ZBTB8B: variants seen among roughly 807,000 people sequenced by gnomAD.
ZBTB8B encodes the protein zinc finger and BTB domain-containing protein 8B.
A neutral mutation model predicts 30.3 loss-of-function variants in ZBTB8B; 17 were observed. The observed-to-expected ratio is 0.56, with a 90% CI of 0.38 to 0.84. The LOEUF (loss-of-function observed/expected upper bound fraction) is 0.84. ZBTB8B is among the 40% of genes least tolerant of loss of function. The probability of loss-of-function intolerance (pLI) is 0.00; values close to 1 mark genes in which losing one functional copy is unlikely to be tolerated. For synonymous variants in ZBTB8B, 248 were observed against 255.6 expected (o/e 0.97, Z 0.28); for missense variants, 515 against 644.9 (o/e 0.80, Z 2.18).
rs1643783579 is a variant in ZBTB8B, at chr1:32,492,179, A to G, written c.*6761A>G. ...GTCACTCATAATAGGTGAGTATAGT[A>G]TGTCGTACTGTAGGGACATTATTGA... On this transcript the variant is annotated 3_prime_UTR_variant, in exon 4 of 4. Coordinates refer to ENST00000609129, the MANE Select transcript of ZBTB8B (RefSeq NM_001145720.2). The G allele has an allele frequency of 6.6e-6, 1 of 151,568 alleles. No individual in the cohort carries two copies. The highest frequency in any genetic ancestry group is 1.5e-5 in the Non-Finnish European group (1 of 67,996). 9.4% of individuals were successfully genotyped at this position (151,568 alleles called of 1,614,324 possible). A position where few individuals can be genotyped will look rare whatever the true frequency, so the allele number is the denominator to read the frequency against.
At chr1:32,474,343 C>CAAAAAAAAAAAA (rs57001984) in intron 2 of ZBTB8B, among the ~76,000 whole-genome samples, 32 of 39,168 alleles carry the variant, frequency 8.2e-4, no homozygotes, top group African/African-American at 1.1e-3. Context: ...CCCATCTCTA[C>CAAAAAAAAAAAA]AAAAAAAAAA....
At chr1:32,473,476 G>A (rs1287125478) in intron 2 of ZBTB8B, among the ~76,000 whole-genome samples, 2 of 150,388 alleles carry the variant, frequency 1.3e-5, no homozygotes, top group African/African-American at 4.9e-5. Context: ...AGGGAGATCA[G>A]CTATTTTTAT....
rs983202475 is a variant in ZBTB8B, at chr1:32,489,179, G to A, written c.*3761G>A. On this transcript the variant is annotated 3_prime_UTR_variant, in exon 4 of 4. Transcript: ENST00000609129. ...TTAGTAAAATGAAGCGCTGAGGCCA[G>A]ATGGTTCATAGCTTGCCCAAGATCT... 1 of 152,194 alleles carries A rather than the reference G, an allele frequency of 6.6e-6. No individual in the cohort carries two copies. The highest frequency in any genetic ancestry group is 2.4e-5 in the African/African-American group (1 of 41,456). 9.4% of individuals were successfully genotyped at this position (152,194 alleles called of 1,614,324 possible). A position where few individuals can be genotyped will look rare whatever the true frequency, so the allele number is the denominator to read the frequency against.
chr1:32,476,406 T>C (rs1287517289), intron 2 of ZBTB8B, among the ~76,000 whole-genome samples: 1 of 152,130 alleles, frequency 6.6e-6, no homozygotes, highest in African/African-American at 2.4e-5. Flanking sequence ...TTTCCTCATG[T>C]ACCTGCTTTT....
rs1426912656 is a variant in ZBTB8B, at chr1:32,484,553, T to C, written c.1171-548T>C. ...TTGGTAAGATGAAGACTCATATGGT[T>C]TGGATCTCTGTCCCCACTCAAATCT... On this transcript the variant is annotated intron_variant, in intron 3 of 3. Coordinates refer to ENST00000609129, the MANE Select transcript of ZBTB8B (RefSeq NM_001145720.2). This position sits in a 1 kb window ranked among gnomAD's most constrained non-coding sequence, Gnocchi z 4.5. 6.6e-6 allele frequency among the ~76,000 whole-genome samples: 1 copy of C among 152,026 alleles called. No homozygotes were observed. Among genetic ancestry groups the C allele is most frequent in the Non-Finnish European group, 1.5e-5 (1 of 67,986 alleles).
At position 32,485,121 on chromosome 1, in the gene ZBTB8B, A is replaced by G; in HGVS notation, c.1191A>G (p.Pro397=). 6.4e-7 allele frequency: 1 copy of G among 1,552,154 alleles called. No homozygotes were observed. ...HALSVHRSNR[P]IICKGCRRTF... The stretch of plus-strand genomic sequence containing the variant: ...TACAGGTCCACAGATCCAACCGTCC[A>G]ATCATCTGCAAGGGCTGCAGGAGAA... The change falls in exon 4 of 4, where the codon CCA becomes CCG. Residue 397 remains proline (P), a synonymous_variant. Coordinates refer to ENST00000609129, the MANE Select transcript of ZBTB8B (RefSeq NM_001145720.2).
rs550626302 is a variant in ZBTB8B, at chr1:32,495,641, G to A, written c.*10223G>A. On this transcript the variant is annotated 3_prime_UTR_variant, in exon 4 of 4. Coordinates refer to ENST00000609129, the MANE Select transcript of ZBTB8B (RefSeq NM_001145720.2). ...ATACAATTTAACTATTTTCTGTACC[G>A]TCCCAAATTTGAAGCTGACCTGAAT... is the stretch of plus-strand genomic sequence containing the variant. The A allele has an allele frequency of 3.9e-5, 6 of 152,184 alleles. No individual in the cohort carries two copies. The highest frequency in any genetic ancestry group is 2.1e-4 in the South Asian group (1 of 4,826). 9.4% of individuals were successfully genotyped at this position (152,184 alleles called of 1,614,324 possible). A position where few individuals can be genotyped will look rare whatever the true frequency, so the allele number is the denominator to read the frequency against.
intron 2 of ZBTB8B, among the ~76,000 whole-genome samples, chr1:32,478,640 G>A (rs1353587196): frequency 6.6e-6 from 1 of 152,182 alleles, no homozygotes; most frequent in South Asian, 2.1e-4. Flanking sequence ...TTTTATCCTG[G>A]GAAACAGATA....
rs1643617401 is a variant in ZBTB8B, at chr1:32,471,227, C to T, written c.603C>T (p.His201=). ...ESPCGDCGDC[H]PLELVVRDSL... ...CTTGCGGTGACTGCGGAGACTGCCA[C>T]CCCTTGGAACTGGTGGTGAGAGACA... The change falls in exon 2 of 4, where the codon CAC becomes CAT. Residue 201 remains histidine, a synonymous_variant. Coordinates refer to ENST00000609129, the MANE Select transcript of ZBTB8B (RefSeq NM_001145720.2). 6.4e-7 allele frequency: 1 copy of T among 1,551,940 alleles called. No homozygotes were observed. Among genetic ancestry groups the T allele is most frequent in the East Asian group, 2.4e-5 (1 of 40,928 alleles).
chr1:32,483,112 C>G, intron 3 of ZBTB8B, among the ~76,000 whole-genome samples: 1 of 151,528 alleles, frequency 6.6e-6, no homozygotes, highest in Non-Finnish European at 1.5e-5. Flanking sequence ...GTTCCTAGGC[C>G]CAGCACGGTG....
chr1:32,472,309 T>C (rs756809633), intron 2 of ZBTB8B, among the ~76,000 whole-genome samples: 69 of 152,366 alleles, frequency 4.5e-4, no homozygotes, highest in African/African-American at 1.5e-3. Context: ...GGTTAAATCA[T>C]TGAATCTCTT....
chr1:32,467,243 G>GTTTTT (rs1207043175), intron 1 of ZBTB8B, among the ~76,000 whole-genome samples: 2 of 134,700 alleles, frequency 1.5e-5, no homozygotes, highest in Non-Finnish European at 3.2e-5. Flanking sequence ...CCACACACTT[G>GTTTTT]TTTTTTTTTT....
chr1:32,473,497 A>C (rs1195663445), intron 2 of ZBTB8B, among the ~76,000 whole-genome samples: 1 of 144,878 alleles, frequency 6.9e-6, no homozygotes, highest in African/African-American at 2.6e-5. Flanking sequence ...TCATTACTAA[A>C]TGGCTGTCTT....
At position 32,471,244 on chromosome 1, in the gene ZBTB8B, TGA is replaced by T; in HGVS notation, c.625_626del (p.Asp209GlnfsTer8). On this transcript the variant is annotated frameshift_variant, in exon 2 of 4. Coordinates refer to ENST00000609129, the MANE Select transcript of ZBTB8B (RefSeq NM_001145720.2). LOFTEE classifies it high-confidence loss of function. ...GACTGCCACCCCTTGGAACTGGTGG[TGA>T]GAGACAGCCTTGGCGGTGGCTCGGC... The T allele has an allele frequency of 6.4e-7, 1 of 1,551,896 alleles. No individual in the cohort carries two copies. Among genetic ancestry groups the T allele is most frequent in the Non-Finnish European group, 8.7e-7 (1 of 1,147,016 alleles).
In ZBTB8B at chr1:32,484,644, C is replaced by T. The variant is rs1643730314; in HGVS notation, c.1171-457C>T. ...GTGGGAGGTGGTTGCATCATGGGGG[C>T]AGTTTCTCATGGTTTAACGCCATCC... On this transcript the variant is annotated intron_variant, in intron 3 of 3. Transcript: ENST00000609129. This position sits in a 1 kb window ranked among gnomAD's most constrained non-coding sequence, Gnocchi z 4.5. Among the ~76,000 whole-genome samples, 1 of 152,108 alleles carries T rather than the reference C, an allele frequency of 6.6e-6. No homozygotes were observed. Among genetic ancestry groups the T allele is most frequent in the Admixed American group, 6.6e-5 (1 of 15,264 alleles).
chr1:32,470,680 A>C lies in ZBTB8B; in HGVS notation c.56A>C (p.Lys19Thr), dbSNP rs1239666930. 2.6e-6 allele frequency: 4 copies of C among 1,551,660 alleles called. No homozygotes were observed. Among genetic ancestry groups the C allele is most frequent in the Non-Finnish European group, 3.5e-6 (4 of 1,147,002 alleles). Reference protein sequence around the residue: ...KLLGELNEQRKRDFFCDCSII... With the variant: ...KLLGELNEQRTRDFFCDCSII... ...TTGGGGGAGCTGAATGAACAGAGAA[A>C]GAGGGACTTTTTCTGTGACTGCAGC... The change falls in exon 2 of 4, where the codon AAG becomes ACG. Residue 19 changes from lysine (K) to threonine (T), a missense_variant. Coordinates refer to ENST00000609129, the MANE Select transcript of ZBTB8B (RefSeq NM_001145720.2).
chr1:32,476,118 A>G (rs1643663431), intron 2 of ZBTB8B, among the ~76,000 whole-genome samples: 1 of 151,156 alleles, frequency 6.6e-6, no homozygotes. Flanking sequence ...GTGCCTGGCC[A>G]GGTTTGTTTT....
At position 32,474,550 on chromosome 1, in the gene ZBTB8B, GA is replaced by G. The variant is rs762217301; in HGVS notation, c.991+2945del. The stretch of plus-strand genomic sequence containing the variant: ...CTTGTCTCAAAAAAAAAAGGAAAAA[GA>G]AAAAAAAAAGAAACACTTGAAAATG... On this transcript the variant is annotated intron_variant, in intron 2 of 3. Coordinates refer to ENST00000609129, the MANE Select transcript of ZBTB8B (RefSeq NM_001145720.2). Among the ~76,000 whole-genome samples, 526 of 145,114 alleles carry G rather than the reference GA, an allele frequency of 3.6e-3. 6 individuals carry two copies. Among genetic ancestry groups the G allele is most frequent in the Middle Eastern group, 0.024 (7 of 288 alleles).
rs1371680100 is a variant in ZBTB8B, at chr1:32,490,702, G to C, written c.*5284G>C. On this transcript the variant is annotated 3_prime_UTR_variant, in exon 4 of 4. Transcript: ENST00000609129. The stretch of plus-strand genomic sequence containing the variant: ...CCTCCTGGGTTCATGCCATTCTCCT[G>C]CCTCAGCCTCCTGAGTAGCTGGGAC... The C allele has an allele frequency of 6.6e-6, 1 of 152,068 alleles. No homozygotes were observed. The highest frequency in any genetic ancestry group is 1.5e-5 in the Non-Finnish European group (1 of 68,032). 9.4% of individuals were successfully genotyped at this position (152,068 alleles called of 1,614,324 possible). A position where few individuals can be genotyped will look rare whatever the true frequency, so the allele number is the denominator to read the frequency against.
Sources: gnomAD v4.1 joint callset for allele counts (sites outside exome capture counted in the v4.1 genomes callset) on GRCh38, gnomAD v4.1.1 for gene constraint, Gnocchi (gnomAD v3.1) non-coding constraint, MANE v1.5 for transcripts, NCBI Gene and HGNC (gene_info 2026-07-23, HGNC 2026-07-21) for gene names.